Variants in POLA2 observed in about 807,000 individuals in gnomAD.
POLA2 encodes DNA polymerase alpha subunit B.
Under a neutral mutation model 82.8 loss-of-function variants are expected in POLA2, and 47 were observed. The observed-to-expected ratio is 0.57, with a 90% confidence interval of 0.45 to 0.72. POLA2 has a LOEUF of 0.72. Ranked by LOEUF, POLA2 falls within the 30% of genes least tolerant of loss-of-function variation. The pLI is 0.00. For synonymous variants in POLA2, 287 were observed against 286.8 expected, an observed-to-expected ratio of 1.00 and a Z score of -0.01; for missense variants, 634 against 728.1, an observed-to-expected ratio of 0.87 and a Z score of 1.49.
chr11:65,288,735 G>A (rs1829193095), intron 11 of POLA2, among the ~76,000 whole-genome samples: 1 of 152,164 alleles, frequency 6.6e-6, no homozygotes, highest in African/African-American at 2.4e-5. Context: ...GCCCAGGCTA[G>A]TCTTGAACTC....
chr11:65,300,063 A>G (rs1949851409), downstream of POLA2, among the ~76,000 whole-genome samples: 1 of 152,176 alleles, frequency 6.6e-6, no homozygotes. Context: ...CTAATTCCAG[A>G]GTATTTTCAT....
downstream of POLA2, among the ~76,000 whole-genome samples, chr11:65,301,385 G>A (rs796276016): frequency 1.1e-4 from 17 of 152,216 alleles, no homozygotes; most frequent in African/African-American, 2.9e-4. Context: ...AGTCCCAGGT[G>A]CAGCCTCAGT....
chr11:65,277,569 T>C (rs1468978296), intron 5 of POLA2, among the ~76,000 whole-genome samples: 1 of 152,238 alleles, frequency 6.6e-6, no homozygotes, highest in African/African-American at 2.4e-5. Flanking sequence ...CTTTCTAGAC[T>C]TAAGAGCATC....
At chr11:65,265,678 C>T (rs1301056855) in intron 1 of POLA2, among the ~76,000 whole-genome samples, 1 of 152,158 alleles carries the variant, frequency 6.6e-6, no homozygotes, top group Non-Finnish European at 1.5e-5. Flanking sequence ...CGGTTTCACC[C>T]TGTTGCCCAA....
At chr11:65,281,501 A>C (rs1005691122) in intron 8 of POLA2, among the ~76,000 whole-genome samples, 169 bp from the exon 9 acceptor site, 1 of 152,238 alleles carries the variant, frequency 6.6e-6, no homozygotes, top group African/African-American at 2.4e-5. Flanking sequence ...ATAGAGCATA[A>C]TTATTATTAC....
chr11:65,262,904 C>CATAA (rs1182743856), intron 1 of POLA2, among the ~76,000 whole-genome samples: 1 of 152,148 alleles, frequency 6.6e-6, no homozygotes, highest in Non-Finnish European at 1.5e-5. Context: ...GGGAGCTTTA[C>CATAA]AGATGGAGAA....
At position 65,294,278 on chromosome 11, in the gene POLA2, C is replaced by T. The variant is rs140076154; in HGVS notation, c.1353+17C>T. 1.4e-5 allele frequency: 23 copies of T among 1,595,080 alleles called. No individual in the cohort carries two copies. Among genetic ancestry groups the T allele is most frequent in the African/African-American group, 9.4e-5 (7 of 74,690 alleles). On this transcript the variant is annotated intron_variant, in intron 14 of 17. Coordinates refer to ENST00000265465, the MANE Select transcript of POLA2 (RefSeq NM_002689.4). Reference sequence around the variant, plus strand: ...GACAAAAAGGTAGCAGCACCCACTCCTTGACCAGCAGGCAGCCAGAATCCA... The same window carrying T: ...GACAAAAAGGTAGCAGCACCCACTCTTTGACCAGCAGGCAGCCAGAATCCA...
intron 10 of POLA2, among the ~76,000 whole-genome samples, chr11:65,285,274 G>A (rs565916198): frequency 6.6e-6 from 1 of 152,166 alleles, no homozygotes; most frequent in Non-Finnish European, 1.5e-5. Flanking sequence ...GCTTGGCAGC[G>A]TGTGCCTATA....
At chr11:65,266,758 A>T (rs544281459) in intron 2 of POLA2, 52 bp downstream of exon 2, 2 of 1,595,044 alleles carry the variant, frequency 1.3e-6, no homozygotes, top group South Asian at 2.2e-5. Flanking sequence ...TTTCTGCTCT[A>T]CAGGGGAGGC....
intron 6 of POLA2, 28 bp downstream of exon 6, chr11:65,278,951 G>A (rs1003250926): frequency 3.7e-6 from 6 of 1,604,676 alleles, no homozygotes; most frequent in Non-Finnish European, 5.1e-6. Context: ...TGAAATTCTG[G>A]TGGATATAAA....
intron 2 of POLA2, among the ~76,000 whole-genome samples, 168 bp downstream of exon 2, chr11:65,266,874 A>G (rs1231988989): frequency 2.0e-5 from 3 of 152,154 alleles, no homozygotes; most frequent in African/African-American, 7.2e-5. Context: ...TCCTTTTCTG[A>G]CATTGGGTCT....
chr11:65,288,505 G>GT (rs796257357), intron 11 of POLA2, among the ~76,000 whole-genome samples: 133 of 98,198 alleles, frequency 1.4e-3, no homozygotes, highest in African/African-American at 2.1e-3. Context: ...TTGTTCGTTT[G>GT]TTTTTTGTTT....
chr11:65,274,105 A>G (rs989480650), intron 4 of POLA2, among the ~76,000 whole-genome samples: 1 of 152,180 alleles, frequency 6.6e-6, no homozygotes, highest in Non-Finnish European at 1.5e-5. Context: ...TAATCCCAGC[A>G]CTTTGGGAGG....
At chr11:65,265,288 GTAAGTTCTTTTGTT>G (rs1190579698) in intron 1 of POLA2, among the ~76,000 whole-genome samples, 1 of 151,570 alleles carries the variant, frequency 6.6e-6, no homozygotes, top group Non-Finnish European at 1.5e-5. Context: ...ATCCATTTCA[GTAAGTTCTTTTGTT>G]GCCACCACTT....
chr11:65,282,725 G>A (rs983181716), intron 10 of POLA2, among the ~76,000 whole-genome samples: 6 of 152,188 alleles, frequency 3.9e-5, no homozygotes, highest in African/African-American at 7.2e-5. Context: ...TCGTGCTGTC[G>A]CCTGAGTTCT....
At chr11:65,305,488 G>A (rs773681774) in exon 9 of POLA2, 26 of 436,932 alleles carry the variant, frequency 6.0e-5, no homozygotes, top group Non-Finnish European at 1.1e-4. Flanking sequence ...CAGTCTCCAA[G>A]AAGGACAAGC....
At chr11:65,304,954 C>G (rs1283648151) in intron 8 of POLA2, among the ~76,000 whole-genome samples, 1 of 151,832 alleles carries the variant, frequency 6.6e-6, no homozygotes, top group Non-Finnish European at 1.5e-5. Context: ...ATCCTGGCCC[C>G]CAAAACCCTT....
At chr11:65,304,502 T>A (rs1346788854) in intron 8 of POLA2, among the ~76,000 whole-genome samples, 1 of 140,522 alleles carries the variant, frequency 7.1e-6, no homozygotes, top group Non-Finnish European at 1.5e-5. Context: ...TGGCACACAC[T>A]CTGGGGGACT....
downstream of POLA2, among the ~76,000 whole-genome samples, chr11:65,303,473 C>T (rs1213598726): frequency 1.3e-5 from 2 of 151,708 alleles, no homozygotes; most frequent in Non-Finnish European, 1.5e-5. Context: ...AGTGAGCTGA[C>T]ATTGTGCCAC....
Sources: gnomAD v4.1 joint callset for allele counts (sites outside exome capture counted in the v4.1 genomes callset) on GRCh38, gnomAD v4.1.1 for gene constraint, MANE v1.5 for transcripts, NCBI Gene and HGNC (gene_info 2026-07-23, HGNC 2026-07-21) for gene names.